Variants in VTI1A observed in about 807,000 individuals in gnomAD.
VTI1A encodes the protein vesicle transport through interaction with t-SNAREs homolog 1A.
Under a neutral mutation model 34.9 loss-of-function variants are expected in VTI1A, and 22 were observed. The observed-to-expected ratio is 0.63, with a 90% CI of 0.45 to 0.90. The LOEUF is 0.90. Ranked by LOEUF, VTI1A falls within the 40% of genes least tolerant of loss-of-function variation. The pLI, the probability that VTI1A is intolerant of heterozygous loss-of-function variation, is 0.00. For synonymous variants in VTI1A, 87 were observed against 97.3 expected, an observed-to-expected ratio of 0.89 and a Z score of 0.62; for missense variants, 268 against 275.6, an observed-to-expected ratio of 0.97 and a Z score of 0.20.
At chr10:112,616,818 A>G (rs576753848) in intron 5 of VTI1A, among the ~76,000 whole-genome samples, 6 of 152,208 alleles carry the variant, frequency 3.9e-5, no homozygotes, top group Non-Finnish European at 8.8e-5. Context: ...TGAAGAGACA[A>G]TTAGTGAATT....
chr10:112,693,918 C>A (rs1373923598), intron 7 of VTI1A, among the ~76,000 whole-genome samples: 1 of 152,146 alleles, frequency 6.6e-6, no homozygotes, highest in Non-Finnish European at 1.5e-5. Flanking sequence ...AATATTTTAT[C>A]TGTTTTAATG....
intron 3 of VTI1A, among the ~76,000 whole-genome samples, chr10:112,499,980 G>C (rs1362849354): frequency 6.6e-6 from 1 of 152,140 alleles, no homozygotes; most frequent in African/African-American, 2.4e-5. Flanking sequence ...TTTCCACTTT[G>C]AGTTGAGAGG....
intron 7 of VTI1A, among the ~76,000 whole-genome samples, chr10:112,685,981 A>T (rs1848393928): frequency 6.6e-6 from 1 of 152,218 alleles, no homozygotes; most frequent in South Asian, 2.1e-4. Context: ...AGTTCCCAGA[A>T]TTCAGTGCAT....
chr10:112,460,372 GT>G (rs150985040), intron 1 of VTI1A, 151 bp from the exon 2 acceptor site: 16,490 of 632,450 alleles, frequency 0.026, 426 homozygotes, highest in African/African-American at 0.1. Context: ...GCTTAAAGTG[GT>G]TTCAAACCCA....
At chr10:112,697,263 G>A (rs954269318) in intron 7 of VTI1A, among the ~76,000 whole-genome samples, 10 of 150,854 alleles carry the variant, frequency 6.6e-5, no homozygotes, top group African/African-American at 2.2e-4. Flanking sequence ...GCGCTGTCTC[G>A]GCACTCTGCA....
rs146129091 is a variant in VTI1A, at chr10:112,533,292, T to A, written c.343-4954T>A. On this transcript the variant is annotated intron_variant, in intron 4 of 7. Transcript: ENST00000393077. ...GTCTTAGATGTACTTTAAAAGAGAA[T>A]TTCACACTATTCTCTTTGTTTAATG... 1.1e-4 allele frequency among the ~76,000 whole-genome samples: 16 copies of A among 152,186 alleles called. No individual in the cohort carries two copies. The East Asian group carries it at 3.1e-3, about 29-fold the overall frequency.
intron 5 of VTI1A, among the ~76,000 whole-genome samples, chr10:112,612,972 G>A (rs1845378513): frequency 6.6e-6 from 1 of 152,064 alleles, no homozygotes; most frequent in Non-Finnish European, 1.5e-5. Flanking sequence ...CTGTGAGGTA[G>A]GAAACAGACC....
intron 5 of VTI1A, among the ~76,000 whole-genome samples, chr10:112,583,597 G>A (rs1230965042): frequency 6.6e-6 from 1 of 152,184 alleles, no homozygotes; most frequent in Non-Finnish European, 1.5e-5. Context: ...GCCTATCATG[G>A]TAATGGCACC....
Position 112,816,840 on chromosome 10 carries a change from A to G in VTI1A, c.*1457A>G, listed in dbSNP as rs1433640429. The G allele has an allele frequency of 2.2e-5, 5 of 229,662 alleles. No homozygotes were observed. Among genetic ancestry groups the G allele is most frequent in the East Asian group, 6.2e-5 (1 of 16,094 alleles). 14.2% of individuals were successfully genotyped at this position (229,662 alleles called of 1,614,324 possible). A position where few individuals can be genotyped will look rare whatever the true frequency, so the allele number is the denominator to read the frequency against. Reference sequence around the variant, plus strand: ...TTTCCCAACTCAGAAGAAAACCATTATGGTTTAGAGAGGAAATGCAGAATG... The same window carrying G: ...TTTCCCAACTCAGAAGAAAACCATTGTGGTTTAGAGAGGAAATGCAGAATG... On this transcript the variant is annotated 3_prime_UTR_variant, in exon 8 of 8. Coordinates refer to ENST00000393077, the MANE Select transcript of VTI1A (RefSeq NM_145206.4).
chr10:112,561,520 C>T (rs1851725093), intron 5 of VTI1A, among the ~76,000 whole-genome samples: 1 of 152,138 alleles, frequency 6.6e-6, no homozygotes, highest in African/African-American at 2.4e-5. Context: ...AGTAAAATCT[C>T]TTTGGTTGCC....
At chr10:112,507,402 C>G (rs146719917) in intron 3 of VTI1A, among the ~76,000 whole-genome samples, 17 of 152,296 alleles carry the variant, frequency 1.1e-4, no homozygotes, top group Middle Eastern at 3.4e-3. Context: ...ATAGACTAAA[C>G]CTTACAAATG....
At chr10:112,695,652 G>A (rs974828869) in intron 7 of VTI1A, among the ~76,000 whole-genome samples, 6 of 152,166 alleles carry the variant, frequency 3.9e-5, no homozygotes, top group Non-Finnish European at 8.8e-5. Context: ...TCCAGGAAAG[G>A]TACAAAGCTC....
At position 112,809,590 on chromosome 10, in the gene VTI1A, G is replaced by A. The variant is rs534046835; in HGVS notation, c.561-5700G>A. Among the ~76,000 whole-genome samples, 35 of 152,316 alleles carry A rather than the reference G, an allele frequency of 2.3e-4. 1 individual carries two copies. The South Asian group carries it at 6.2e-3, about 27-fold the overall frequency. ...AGGCTTGTAAAAAAGTTGGGACTCC[G>A]CTGGCATCCTTAATGGGACAGTGGC... is the stretch of plus-strand genomic sequence containing the variant. On this transcript the variant is annotated intron_variant, in intron 7 of 7. Transcript: ENST00000393077.
At chr10:112,609,498 C>T (rs1845210429) in intron 5 of VTI1A, among the ~76,000 whole-genome samples, 1 of 152,118 alleles carries the variant, frequency 6.6e-6, no homozygotes, top group Admixed American at 6.5e-5. Context: ...AAGTCCTCTT[C>T]CTGAATCTAA....
At chr10:112,502,530 G>A (rs186198708) in intron 3 of VTI1A, among the ~76,000 whole-genome samples, 5 of 152,290 alleles carry the variant, frequency 3.3e-5, no homozygotes, top group Non-Finnish European at 5.9e-5. Context: ...TTAGAAGGAC[G>A]TCTGCAGATG....
At chr10:112,842,516 GC>G in the VTI1A span, among the ~76,000 whole-genome samples, 1 of 152,186 alleles carries the variant, frequency 6.6e-6, no homozygotes, top group Non-Finnish European at 1.5e-5. Flanking sequence ...CTGGCTTCCA[GC>G]CCCAGCTCTG....
intron 3 of VTI1A, among the ~76,000 whole-genome samples, chr10:112,525,981 G>A (rs1483923048): frequency 6.6e-6 from 1 of 152,194 alleles, no homozygotes; most frequent in Non-Finnish European, 1.5e-5. Context: ...AGTTGAACAA[G>A]TAAGAAATTT....
chr10:112,651,810 G>A (rs757128695), intron 5 of VTI1A, among the ~76,000 whole-genome samples: 2 of 152,200 alleles, frequency 1.3e-5, no homozygotes, highest in Admixed American at 6.5e-5. Context: ...GGAAATAAAA[G>A]GTTGAAATAG....
chr10:112,450,994 A>G (rs1015270072), intron 1 of VTI1A, among the ~76,000 whole-genome samples: 8 of 152,188 alleles, frequency 5.3e-5, no homozygotes, highest in Non-Finnish European at 8.8e-5. Context: ...AAGAATTTTA[A>G]AGTAGTCTTT....
Sources: gnomAD v4.1 joint callset for allele counts (sites outside exome capture counted in the v4.1 genomes callset) on GRCh38, gnomAD v4.1.1 for gene constraint, MANE v1.5 for transcripts, NCBI Gene and HGNC (gene_info 2026-07-23, HGNC 2026-07-21) for gene names.